Variants in OAS3 observed in about 807,000 individuals in gnomAD.
OAS3 encodes the protein 2'-5'-oligoadenylate synthase 3.
In OAS3, 107 loss-of-function variants were observed where a neutral mutation model predicts 113.0. The ratio of observed to expected loss-of-function variants is 0.95; its 90% confidence interval spans 0.81 to 1.11. The LOEUF (loss-of-function observed/expected upper bound fraction) is 1.11, where lower values mean the gene tolerates loss of function less well. OAS3 is among the 50% of genes most tolerant of loss of function. OAS3 has a pLI of 0.00. For missense variants in OAS3, 1,258 were observed against 1,389.1 expected (o/e 0.91, Z 1.50); for synonymous variants, 552 against 573.6 (o/e 0.96, Z 0.54).
rs2043761204 is a variant in OAS3 at position 112,948,957 on chromosome 12, T to C, written c.1126T>C (p.Tyr376His). ...AAACAGCAAGAGCCTCAATGCTGTG[T>C]ACCCAAGAGCAGGGAGCAAACCTCC... is the stretch of plus-strand genomic sequence containing the variant. Reference protein sequence around the residue: ...PENSKSLNAVYPRAGSKPPSC... With the variant: ...PENSKSLNAVHPRAGSKPPSC... The change falls in exon 6 of 16, where the codon TAC becomes CAC. Residue 376 changes from tyrosine to histidine, a missense_variant. Physicochemically the swap from Tyr to His is moderately conservative, Grantham distance 83. Coordinates refer to ENST00000228928, the MANE Select transcript of OAS3 (RefSeq NM_006187.4). The C allele has an allele frequency of 6.2e-7, 1 of 1,613,750 alleles. No homozygotes were observed. Among genetic ancestry groups the C allele is most frequent in the Non-Finnish European group, 8.5e-7 (1 of 1,179,784 alleles).
Position 112,973,064 on chromosome 12 carries a change from A to T in OAS3, c.*3091A>T, listed in dbSNP as rs1593189734. ...TTATATCCAGCATATTCATAACTAG[A>T]GCCATATCACAGATGCATTCATCAT... On this transcript the variant is annotated 3_prime_UTR_variant, in exon 16 of 16. Coordinates refer to ENST00000228928, the MANE Select transcript of OAS3 (RefSeq NM_006187.4). 1 of 152,224 alleles carries T rather than the reference A, an allele frequency of 6.6e-6. No individual in the cohort carries two copies. Among genetic ancestry groups the T allele is most frequent in the Non-Finnish European group, 1.5e-5 (1 of 68,048 alleles). 9.4% of individuals were successfully genotyped at this position (152,224 alleles called of 1,614,324 possible).
rs1245416313 is a variant in OAS3 at position 112,965,833 on chromosome 12, G to A, written c.2493G>A (p.Glu831=). The A allele has an allele frequency of 6.2e-7, 1 of 1,613,784 alleles. No homozygotes were observed. Among genetic ancestry groups the A allele is most frequent in the Non-Finnish European group, 8.5e-7 (1 of 1,179,862 alleles). The part of the protein sequence containing the change: ...VFLSCFSQFT[E]QGNKRAEIIS... ...TCAGCTGCTTCAGCCAGTTCACTGA[G>A]CAGGGCAACAAGCGGGCCGAGATCA... The change falls in exon 12 of 16, where the codon GAG becomes GAA. Residue 831 remains glutamate, a synonymous_variant. Coordinates refer to ENST00000228928, the MANE Select transcript of OAS3 (RefSeq NM_006187.4).
At chr12:112,962,093 C>G (rs961609262) in intron 8 of OAS3, among the ~76,000 whole-genome samples, 1 of 152,224 alleles carries the variant, frequency 6.6e-6, no homozygotes, top group Non-Finnish European at 1.5e-5. Context: ...CACCATGCCC[C>G]AGCCTTGTTG....
chr12:112,956,062 T>C (rs2043833624), intron 7 of OAS3, among the ~76,000 whole-genome samples: 1 of 152,254 alleles, frequency 6.6e-6, no homozygotes, highest in Admixed American at 6.5e-5. Flanking sequence ...GGTTTAGTCT[T>C]GGGAGCGTGT....
At chr12:112,969,806 G>A (rs2043968441) in intron 15 of OAS3, 51 bp downstream of exon 15, 1 of 1,603,588 alleles carries the variant, frequency 6.2e-7, no homozygotes, top group Non-Finnish European at 8.5e-7. Context: ...TAAGGGGGGA[G>A]CATGGTCAGG....
intron 2 of OAS3, among the ~76,000 whole-genome samples, chr12:112,943,666 G>C (rs1231347683): frequency 6.6e-6 from 1 of 152,092 alleles, no homozygotes; most frequent in Non-Finnish European, 1.5e-5. Flanking sequence ...GGTTGTGGTG[G>C]GGATACATGT....
In OAS3 at chr12:112,967,534, A is replaced by G. The variant is rs748653912; in HGVS notation, c.2806A>G (p.Ile936Val). ...CFTELQRDFIISRPTKLKSLI... is the reference protein window; with the variant it reads ...CFTELQRDFIVSRPTKLKSLI... ...CACAGAGCTACAACGGGACTTCATC[A>G]TCTCTCGCCCTACCAAGCTGAAGAG... The change falls in exon 13 of 16, where the codon ATC becomes GTC. Residue 936 changes from isoleucine to valine, a missense_variant. Ile to Val is a conservative substitution (Grantham distance 29). Coordinates refer to ENST00000228928, the MANE Select transcript of OAS3 (RefSeq NM_006187.4). The G allele has an allele frequency of 4.3e-6, 7 of 1,613,884 alleles. No individual in the cohort carries two copies. The South Asian group carries it at 6.6e-5, about 15-fold the overall frequency.
rs749017162 is a variant in OAS3, at chr12:112,948,038, GC to G, written c.969del (p.Tyr324MetfsTer7). The G allele has an allele frequency of 4.4e-5, 71 of 1,596,272 alleles. No homozygotes were observed. In the East Asian group the frequency reaches 1.4e-3, roughly 31 times the overall value. On this transcript the variant is annotated frameshift_variant, in exon 5 of 16. Transcript: ENST00000228928. LOFTEE classifies it high-confidence loss of function. ...TTGCTAGCCCAGGAGGCAGCATCCTGCTATGACCACCCATGCTTTCTGAGGG... is the reference window on the plus strand; with the variant it reads ...TTGCTAGCCCAGGAGGCAGCATCCTGTATGACCACCCATGCTTTCTGAGGG... ...WDLLAQEAAS[C>X]YDHPCFLRGM... is the part of the protein sequence containing the mutation.
At chr12:112,959,313 C>T (rs2043862073) in intron 7 of OAS3, among the ~76,000 whole-genome samples, 1 of 152,166 alleles carries the variant, frequency 6.6e-6, no homozygotes, top group Admixed American at 6.5e-5. Flanking sequence ...GACGCCCTGC[C>T]CTGCTTCGGC....
rs779154930 is a variant in OAS3 at position 112,961,242 on chromosome 12, G to A, written c.1829G>A (p.Arg610His). The change falls in exon 8 of 16, where the codon CGC becomes CAC. Residue 610 changes from arginine to histidine, a missense_variant. Coordinates refer to ENST00000228928, the MANE Select transcript of OAS3 (RefSeq NM_006187.4). ...ATTCTGCTGGTGAAGCACTGGTACC[G>A]CCAGGTGAGTTGCCCCTGGCTCCTC... ...NLILLVKHWY[R>H]QVAAQNKGKG... The A allele has an allele frequency of 8.7e-6, 14 of 1,613,106 alleles. No individual in the cohort carries two copies. The highest frequency in any genetic ancestry group is 5.0e-5 in the Admixed American group (3 of 59,952).
chr12:112,943,643 A>G (rs985296255), intron 2 of OAS3, among the ~76,000 whole-genome samples: 2 of 152,194 alleles, frequency 1.3e-5, no homozygotes, highest in Non-Finnish European at 2.9e-5. Flanking sequence ...GAAGAACTGT[A>G]CTTGCCTCAT....
Position 112,962,261 on chromosome 12 carries a change from G to A in OAS3, c.1834-391G>A, listed in dbSNP as rs931625449. On this transcript the variant is annotated intron_variant, in intron 8 of 15. Coordinates refer to ENST00000228928, the MANE Select transcript of OAS3 (RefSeq NM_006187.4). ...GTGATGGACACTGGGATACCAAGAT[G>A]GATACATTGCAGCCCCTATTCCTGT... Among the ~76,000 whole-genome samples, 5 of 152,308 alleles carry A rather than the reference G, an allele frequency of 3.3e-5. 1 individual carries two copies. The South Asian group carries it at 1.0e-3, about 32-fold the overall frequency.
chr12:112,968,210 C>G, intron 14 of OAS3, 36 bp downstream of exon 14: 1 of 1,583,912 alleles, frequency 6.3e-7, no homozygotes, highest in Non-Finnish European at 8.6e-7. Context: ...GAATTTCAAA[C>G]CTGGGATCAC....
chr12:112,947,025 AG>A, intron 4 of OAS3, 44 bp downstream of exon 4: 4 of 1,535,122 alleles, frequency 2.6e-6, no homozygotes, highest in East Asian at 2.3e-5. Context: ...TCCCGGGGCC[AG>A]GGGGAGATAA....
In OAS3 at chr12:112,946,728, G is replaced by A. The variant is rs749101003; in HGVS notation, c.637-15G>A. The stretch of plus-strand genomic sequence containing the variant: ...CCTTCTTCCTTCTGAGTCCCCTGCC[G>A]ATGCCCTCTCACAGGTGTGCCTACA... On this transcript the variant is annotated splice_polypyrimidine_tract_variant and intron_variant, in intron 3 of 15. Coordinates refer to ENST00000228928, the MANE Select transcript of OAS3 (RefSeq NM_006187.4). 2.1e-5 allele frequency: 33 copies of A among 1,592,064 alleles called. No individual in the cohort carries two copies. Among genetic ancestry groups the A allele is most frequent in the South Asian group, 1.5e-4 (13 of 87,842 alleles).
chr12:112,946,682 A>G, intron 3 of OAS3, 61 bp from the exon 4 acceptor site: 1 of 1,441,018 alleles, frequency 6.9e-7, no homozygotes, highest in Admixed American at 2.0e-5. Flanking sequence ...GGTTATGCAG[A>G]GAGCTGGCTC....
chr12:112,961,105 G>T lies in OAS3; in HGVS notation c.1692G>T (p.Gln564His). ...GTTCTGGCACCAAACCAAATCCCCA[G>T]GTCTACTCGAGGCTCCTCACCAGTG... ...QLSSGTKPNP[Q>H]VYSRLLTSGC... Residue 564 changes from glutamine to histidine, a missense_variant, in exon 8 of 16, where the codon CAG (glutamine) becomes CAT (histidine). Coordinates refer to ENST00000228928, the MANE Select transcript of OAS3 (RefSeq NM_006187.4). 1 of 1,613,490 alleles carries T rather than the reference G, an allele frequency of 6.2e-7. No individual in the cohort carries two copies. The highest frequency in any genetic ancestry group is 8.5e-7 in the Non-Finnish European group (1 of 1,179,832).
At chr12:112,964,554 G>C in intron 11 of OAS3, 146 bp downstream of exon 11, 1 of 806,898 alleles carries the variant, frequency 1.2e-6, no homozygotes. Flanking sequence ...GGTCATGGGA[G>C]GATGGCAGAG....
chr12:112,962,688 G>A lies in OAS3; in HGVS notation c.1870G>A (p.Ala624Thr). The A allele has an allele frequency of 1.2e-6, 2 of 1,613,976 alleles. No individual in the cohort carries two copies. Among genetic ancestry groups the A allele is most frequent in the Non-Finnish European group, 1.7e-6 (2 of 1,179,890 alleles). Residue 624 changes from alanine (A) to threonine (T), a missense_variant, in exon 9 of 16, where the codon GCC (alanine) becomes ACC (threonine). By Grantham distance (58) the Ala-to-Thr change is moderately conservative. Coordinates refer to ENST00000228928, the MANE Select transcript of OAS3 (RefSeq NM_006187.4). ...GAACAAAGGAAAAGGACCAGCCCCT[G>A]CCTCTCTGCCCCCAGCCTATGCCCT... is the stretch of plus-strand genomic sequence containing the variant. The part of the protein sequence containing the change: ...AQNKGKGPAP[A>T]SLPPAYALEL...
Sources: gnomAD v4.1 joint callset for allele counts (sites outside exome capture counted in the v4.1 genomes callset) on GRCh38, gnomAD v4.1.1 for gene constraint, MANE v1.5 for transcripts, NCBI Gene and HGNC (gene_info 2026-07-23, HGNC 2026-07-21) for gene names.